CDKN2B-AS1: variants seen among roughly 807,000 people sequenced by gnomAD.
CDKN2B-AS1 encodes the protein CDKN2B and CDKN2A antisense cis and trans regulatory RNA 1.
At chr9:22,050,343 G>T (rs1400881328) in intron 3 of CDKN2B-AS1, among the ~76,000 whole-genome samples, 2 of 152,204 alleles carry the variant, frequency 1.3e-5, no homozygotes, top group African/African-American at 4.8e-5. Flanking sequence ...TAGAGCCAGG[G>T]AGTCCTGACC....
At chr9:22,023,746 A>C (rs940036934) in intron 1 of CDKN2B-AS1, among the ~76,000 whole-genome samples, 7 of 152,170 alleles carry the variant, frequency 4.6e-5, no homozygotes, top group African/African-American at 1.7e-4. Flanking sequence ...TATCAAAAGC[A>C]AACCTACACA....
At position 22,090,793 on chromosome 9, in the gene CDKN2B-AS1, G is replaced by C. The variant is rs543689991; in HGVS notation, n.438+34406G>C. On this transcript the variant is annotated intron_variant and non_coding_transcript_variant, in intron 4 of 4. Coordinates refer to ENST00000650946, the Ensembl canonical transcript of CDKN2B-AS1. ...CTGTAGGTTGGCTGTTCACTCTGAT[G>C]GTAGTTTCTTTTGCTGTGCAGAAGT... Among the ~76,000 whole-genome samples the C allele has an allele frequency of 3.3e-5, 5 of 152,202 alleles. No individual in the cohort carries two copies. The East Asian group carries it at 9.7e-4, about 29-fold the overall frequency.
chr9:22,025,336 T>C (rs1314795359), intron 1 of CDKN2B-AS1, among the ~76,000 whole-genome samples: 1 of 152,140 alleles, frequency 6.6e-6, no homozygotes, highest in Non-Finnish European at 1.5e-5. Context: ...ATTGGAGGTG[T>C]GGATGAGACA....
At chr9:22,021,549 A>G (rs116979032) in intron 1 of CDKN2B-AS1, among the ~76,000 whole-genome samples, 1 of 152,330 alleles carries the variant, frequency 6.6e-6, no homozygotes, top group East Asian at 1.9e-4. Flanking sequence ...GATTCTTCCT[A>G]TACATGAGCA....
At chr9:22,037,337 T>C (rs1822727651) in intron 1 of CDKN2B-AS1, among the ~76,000 whole-genome samples, 1 of 152,084 alleles carries the variant, frequency 6.6e-6, no homozygotes, top group South Asian at 2.1e-4. Flanking sequence ...TCCTCTGTAG[T>C]TTCCCAGTGT....
At chr9:22,028,407 C>A (rs62560774) in intron 1 of CDKN2B-AS1, among the ~76,000 whole-genome samples, 32,132 of 151,930 alleles carry the variant, frequency 0.21, 4,421 homozygotes, top group Non-Finnish European at 0.31. Context: ...TTGCTATTCA[C>A]ATGTTAAATG....
intron 4 of CDKN2B-AS1, among the ~76,000 whole-genome samples, chr9:22,076,686 T>C (rs1282403971): frequency 6.6e-6 from 1 of 152,110 alleles, no homozygotes. Flanking sequence ...ACACCATTTT[T>C]ATTATTTTTT....
chr9:22,108,869 A>G (rs1464598232), intron 4 of CDKN2B-AS1, among the ~76,000 whole-genome samples: 1 of 152,184 alleles, frequency 6.6e-6, no homozygotes, highest in African/African-American at 2.4e-5. Context: ...GTTTTTGTTC[A>G]AAAGCCGTTT....
chr9:22,030,321 G>C (rs1822416848), intron 1 of CDKN2B-AS1: 1 of 152,200 alleles, frequency 6.6e-6, no homozygotes, highest in African/African-American at 2.4e-5. Flanking sequence ...CTTAGGAAGT[G>C]TCTGAACTTC....
chr9:22,091,749 A>G (rs1248424931), intron 4 of CDKN2B-AS1, among the ~76,000 whole-genome samples: 3 of 152,200 alleles, frequency 2.0e-5, no homozygotes, highest in Admixed American at 2.0e-4. Context: ...TTCTAGATAT[A>G]CAATCATGTC....
intron 4 of CDKN2B-AS1, among the ~76,000 whole-genome samples, chr9:22,071,924 C>G (rs1824310560): frequency 6.6e-6 from 1 of 152,140 alleles, no homozygotes; most frequent in Non-Finnish European, 1.5e-5. Flanking sequence ...TAATCTAGGA[C>G]ATGTGGAATC....
intron 4 of CDKN2B-AS1, among the ~76,000 whole-genome samples, chr9:22,070,033 A>G (rs1275886201): frequency 6.6e-6 from 1 of 152,270 alleles, no homozygotes; most frequent in Middle Eastern, 3.4e-3. Context: ...ATGGTGGTAA[A>G]TCTCACTCAT....
chr9:22,022,178 A>T (rs1329063657), intron 1 of CDKN2B-AS1, among the ~76,000 whole-genome samples: 2 of 150,112 alleles, frequency 1.3e-5, no homozygotes, highest in Non-Finnish European at 3.0e-5. Flanking sequence ...GGTTCATTTG[A>T]TCCAGTGTTG....
chr9:22,049,816 C>A (rs1200543446), intron 3 of CDKN2B-AS1, among the ~76,000 whole-genome samples: 2 of 152,262 alleles, frequency 1.3e-5, no homozygotes, highest in African/African-American at 2.4e-5. Flanking sequence ...AAAATAATAT[C>A]TGTAAAGCGT....
At chr9:22,014,740 C>T (rs1441323222) in intron 1 of CDKN2B-AS1, among the ~76,000 whole-genome samples, 1 of 148,582 alleles carries the variant, frequency 6.7e-6, no homozygotes, top group Non-Finnish European at 1.5e-5. Context: ...GATATATATC[C>T]TAATGCTATC....
chr9:22,042,409 T>C (rs753908812), intron 1 of CDKN2B-AS1, among the ~76,000 whole-genome samples: 2 of 152,202 alleles, frequency 1.3e-5, no homozygotes. Context: ...CAAATCCTTA[T>C]TATTTCTGTC....
In CDKN2B-AS1 at chr9:21,997,258, G is replaced by C. The variant is rs1201477424; in HGVS notation, n.29+2097G>C. Among the ~76,000 whole-genome samples, 1 of 152,092 alleles carries C rather than the reference G, an allele frequency of 6.6e-6. No individual in the cohort carries two copies. Among genetic ancestry groups the C allele is most frequent in the Admixed American group, 6.5e-5 (1 of 15,272 alleles). ...TTATATCTAAACACATCTAAACATAGAAAAGGTAGTATGTTGTGCTACAAC... is the reference window on the plus strand; with the variant it reads ...TTATATCTAAACACATCTAAACATACAAAAGGTAGTATGTTGTGCTACAAC... On this transcript the variant is annotated intron_variant and non_coding_transcript_variant, in intron 1 of 4. Transcript: ENST00000650946. The surrounding 1 kb of genome is among the most constrained non-coding windows in gnomAD (Gnocchi z 4.8).
At chr9:22,096,882 T>C (rs1825294792) in intron 4 of CDKN2B-AS1, among the ~76,000 whole-genome samples, 1 of 152,104 alleles carries the variant, frequency 6.6e-6, no homozygotes, top group Non-Finnish European at 1.5e-5. Context: ...TTCGTAACCC[T>C]CCCCACCCCG....
chr9:22,115,964 A>G (rs1223243665), intron 4 of CDKN2B-AS1, among the ~76,000 whole-genome samples: 1 of 152,190 alleles, frequency 6.6e-6, no homozygotes, highest in Non-Finnish European at 1.5e-5. Flanking sequence ...CCCTTCAGCT[A>G]AGCATGATTA....
Sources: gnomAD v4.1 joint callset for allele counts (sites outside exome capture counted in the v4.1 genomes callset) on GRCh38, gnomAD v4.1.1 for gene constraint, Gnocchi (gnomAD v3.1) non-coding constraint, MANE v1.5 for transcripts, NCBI Gene and HGNC (gene_info 2026-07-23, HGNC 2026-07-21) for gene names.